Variants in IMMP1L observed in about 807,000 individuals in gnomAD.
The protein encoded by IMMP1L is mitochondrial inner membrane protease subunit 1.
A neutral mutation model predicts 21.8 loss-of-function variants in IMMP1L; 24 were observed. The ratio of observed to expected loss-of-function variants is 1.10; its 90% CI spans 0.80 to 1.55. IMMP1L has a LOEUF of 1.55. Among genes scored for constraint, IMMP1L ranks in the 40% most tolerant of loss-of-function variants. IMMP1L has a pLI of 0.00. For synonymous variants in IMMP1L, 46 were observed against 62.8 expected, an observed-to-expected ratio of 0.73 and a Z score of 1.26; for missense variants, 195 against 200.7, an observed-to-expected ratio of 0.97 and a Z score of 0.17.
rs1013702677 is a variant in IMMP1L, at chr11:31,496,714, T to C, written c.-30+12805A>G. On this transcript the variant is annotated intron_variant, in intron 1 of 5. Transcript: ENST00000532287. ...TATTATTATACTTTAAATTTTAGGG[T>C]ACATCCTAATGCTAAATGATGTTAA... 4.7e-5 allele frequency among the ~76,000 whole-genome samples: 7 copies of C among 149,452 alleles called. No homozygotes were observed. The South Asian group carries it at 1.5e-3, about 31-fold the overall frequency.
chr11:31,437,230 A>AAGAG (rs1241358823), intron 4 of IMMP1L: 1 of 398,976 alleles, frequency 2.5e-6, no homozygotes, highest in African/African-American at 2.1e-5. Flanking sequence ...TATCCAGGGG[A>AAGAG]AGAGACCCAA....
intron 3 of IMMP1L, among the ~76,000 whole-genome samples, chr11:31,459,375 C>G (rs1954061616): frequency 1.3e-5 from 2 of 152,058 alleles, no homozygotes. Context: ...AACACTAGCT[C>G]AAGGGAATCA....
intron 4 of IMMP1L, among the ~76,000 whole-genome samples, chr11:31,441,511 C>A (rs149908464): frequency 2.0e-5 from 3 of 151,972 alleles, no homozygotes; most frequent in African/African-American, 7.3e-5. Context: ...AACAAACATA[C>A]AGTAAAACAC....
intron 1 of IMMP1L, among the ~76,000 whole-genome samples, chr11:31,477,982 T>C (rs1007003681): frequency 1.3e-5 from 2 of 152,194 alleles, no homozygotes; most frequent in Non-Finnish European, 2.9e-5. Flanking sequence ...TGTCTATCTC[T>C]GCTAGTATCT....
intron 4 of IMMP1L, among the ~76,000 whole-genome samples, chr11:31,439,999 C>T (rs7109822): frequency 0.27 from 41,192 of 151,980 alleles, 5,855 homozygotes; most frequent in African/African-American, 0.35. Context: ...TAGTATTGAG[C>T]CCAAAGCCAA....
intron 5 of IMMP1L, 146 bp from the exon 6 acceptor site, chr11:31,432,714 AAAGT>A (rs1952951556): frequency 1.6e-6 from 1 of 627,662 alleles, no homozygotes; most frequent in South Asian, 2.1e-5. Context: ...TTTCTACATC[AAAGT>A]AAGACTTGAG....
At chr11:31,492,563 G>C (rs1193632897) in intron 1 of IMMP1L, among the ~76,000 whole-genome samples, 3 of 152,166 alleles carry the variant, frequency 2.0e-5, no homozygotes, top group African/African-American at 4.8e-5. Context: ...CTTTCAACAA[G>C]CCTTCCTTGG....
chr11:31,432,899 C>T (rs766645264), intron 5 of IMMP1L, among the ~76,000 whole-genome samples: 1 of 152,136 alleles, frequency 6.6e-6, no homozygotes, highest in African/African-American at 2.4e-5. Flanking sequence ...ACCAAAGGGG[C>T]TTAGGTTTAA....
At chr11:31,436,775 T>TA (rs958457253) in intron 4 of IMMP1L, among the ~76,000 whole-genome samples, 22 of 151,970 alleles carry the variant, frequency 1.4e-4, no homozygotes, top group South Asian at 8.3e-4. Flanking sequence ...AGGAATCTTC[T>TA]AAAAAAAACA....
At chr11:31,504,869 A>T (rs938146600) in intron 1 of IMMP1L, among the ~76,000 whole-genome samples, 3 of 152,210 alleles carry the variant, frequency 2.0e-5, no homozygotes, top group Non-Finnish European at 4.4e-5. Context: ...AAGTAGAAAA[A>T]CAGGTAAAAG....
chr11:31,452,569 T>C (rs1953792627), intron 4 of IMMP1L: 2 of 985,366 alleles, frequency 2.0e-6, no homozygotes, highest in Non-Finnish European at 2.4e-6. Context: ...GAGGAATTCC[T>C]GTAGAATATA....
At chr11:31,456,416 T>C in intron 3 of IMMP1L, 30 bp from the exon 4 acceptor site, 1 of 1,591,792 alleles carries the variant, frequency 6.3e-7, no homozygotes, top group Non-Finnish European at 8.6e-7. Flanking sequence ...GAAATGTCTG[T>C]ATTATTTATT....
intron 1 of IMMP1L, among the ~76,000 whole-genome samples, chr11:31,463,729 C>T (rs1188934877): frequency 5.9e-5 from 9 of 152,114 alleles, no homozygotes; most frequent in Non-Finnish European, 8.8e-5. Context: ...TATGGAGATT[C>T]AAGTTTCACA....
intron 4 of IMMP1L, among the ~76,000 whole-genome samples, chr11:31,455,030 T>C (rs1033092121): frequency 2.6e-5 from 4 of 152,242 alleles, no homozygotes; most frequent in Non-Finnish European, 5.9e-5. Context: ...CACTATCATC[T>C]TTAACACTGT....
intron 4 of IMMP1L, among the ~76,000 whole-genome samples, chr11:31,441,961 T>G (rs1258473524): frequency 6.6e-6 from 1 of 152,170 alleles, no homozygotes; most frequent in Non-Finnish European, 1.5e-5. Flanking sequence ...TTTGTACTCT[T>G]GTAAATATGC....
At chr11:31,483,300 C>T (rs1267686995) in intron 1 of IMMP1L, among the ~76,000 whole-genome samples, 2 of 151,932 alleles carry the variant, frequency 1.3e-5, no homozygotes, top group East Asian at 1.9e-4. Flanking sequence ...GTGCACTTTC[C>T]TGTATGTGTA....
chr11:31,457,420 T>C (rs1953983759), intron 3 of IMMP1L, among the ~76,000 whole-genome samples: 1 of 152,188 alleles, frequency 6.6e-6, no homozygotes, highest in Admixed American at 6.5e-5. Flanking sequence ...AAACGAGCAA[T>C]ATGTGAATTC....
intron 1 of IMMP1L, among the ~76,000 whole-genome samples, chr11:31,504,530 A>G (rs185930804): frequency 8.5e-5 from 13 of 152,356 alleles, no homozygotes; most frequent in Non-Finnish European, 1.3e-4. Flanking sequence ...ATGAAAGAAG[A>G]AAAACATTGT....
intron 1 of IMMP1L, among the ~76,000 whole-genome samples, chr11:31,486,318 C>T (rs1185490514): frequency 6.6e-6 from 1 of 151,722 alleles, no homozygotes; most frequent in African/African-American, 2.4e-5. Flanking sequence ...TCTCTCTAGT[C>T]CTTAGTTTCT....
Sources: allele counts gnomAD v4.1 joint callset (sites outside exome capture counted in the v4.1 genomes callset), GRCh38; gene constraint gnomAD v4.1.1; transcripts MANE v1.5; gene names NCBI Gene and HGNC (gene_info 2026-07-23, HGNC 2026-07-21).